The following CPQ variants were observed in gnomAD, a reference collection of about 807,000 sequenced individuals.
CPQ encodes carboxypeptidase Q.
CPQ carries 37 observed loss-of-function variants against 45.7 expected under a neutral mutation model. That is an observed-to-expected ratio of 0.81 (90% CI 0.62 to 1.07). The LOEUF (loss-of-function observed/expected upper bound fraction) is 1.07. Among genes scored for constraint, CPQ ranks in the 50% least tolerant of loss-of-function variants. The pLI is 0.00. For synonymous variants in CPQ, 186 were observed against 205.8 expected (o/e 0.90, Z 0.82); for missense variants, 537 against 572.9 (o/e 0.94, Z 0.64).
intron 4 of CPQ, among the ~76,000 whole-genome samples, chr8:96,909,240 A>C (rs553755904): frequency 1.3e-5 from 2 of 152,030 alleles, no homozygotes; most frequent in South Asian, 4.2e-4. Flanking sequence ...TATCATATGC[A>C]ACCGCTGGCA....
At chr8:96,840,991 G>A (rs1321473389) in intron 3 of CPQ, among the ~76,000 whole-genome samples, 1 of 152,118 alleles carries the variant, frequency 6.6e-6, no homozygotes, top group African/African-American at 2.4e-5. Flanking sequence ...TCTTGTTGAT[G>A]GGATGTCCCC....
At position 96,944,452 on chromosome 8, in the gene CPQ, G is replaced by A. The variant is rs572864927; in HGVS notation, c.850-21483G>A. Among the ~76,000 whole-genome samples the A allele has an allele frequency of 1.8e-4, 27 of 152,226 alleles. No individual in the cohort carries two copies. In the South Asian group the frequency reaches 5.0e-3, roughly 28 times the overall value. ...TTGAAAATATAATCAATGCTAGTAA[G>A]GAACAGAGTCCTATGCTGTACCATT... is the stretch of plus-strand genomic sequence containing the variant. On this transcript the variant is annotated intron_variant, in intron 4 of 7. Transcript: ENST00000220763.
At chr8:96,892,778 G>A (rs1812395400) in intron 4 of CPQ, among the ~76,000 whole-genome samples, 1 of 152,108 alleles carries the variant, frequency 6.6e-6, no homozygotes, top group Non-Finnish European at 1.5e-5. Context: ...TAGCCACCCA[G>A]GTAGGCAAGG....
At chr8:97,012,572 G>A (rs1307471549) in intron 5 of CPQ, among the ~76,000 whole-genome samples, 1 of 152,122 alleles carries the variant, frequency 6.6e-6, no homozygotes, top group African/African-American at 2.4e-5. Context: ...TTCACAGACT[G>A]AATACACCTC....
chr8:96,936,139 G>A (rs1251901227), intron 4 of CPQ, among the ~76,000 whole-genome samples: 1 of 152,074 alleles, frequency 6.6e-6, no homozygotes, highest in Admixed American at 6.5e-5. Context: ...AGAATGAAGT[G>A]CTTGCATTCC....
At chr8:96,932,364 ATAT>A (rs1277637769) in intron 4 of CPQ, among the ~76,000 whole-genome samples, 25 of 152,260 alleles carry the variant, frequency 1.6e-4, no homozygotes, top group African/African-American at 5.5e-4. Flanking sequence ...TTGATTTTTA[ATAT>A]TATAACTTTA....
At chr8:96,651,599 T>C (rs1323577803) in intron 1 of CPQ, among the ~76,000 whole-genome samples, 1 of 152,102 alleles carries the variant, frequency 6.6e-6, no homozygotes, top group Non-Finnish European at 1.5e-5. Flanking sequence ...ACAAATCAAG[T>C]AGACAAAGTC....
intron 4 of CPQ, 48 bp from the exon 5 acceptor site, chr8:96,965,887 G>A (rs1280132997): frequency 1.7e-6 from 2 of 1,211,626 alleles, no homozygotes; most frequent in South Asian, 1.5e-5. Flanking sequence ...ACTCTTTGAT[G>A]TCATTTTTGC....
At chr8:96,700,448 C>A (rs1005920490) in intron 1 of CPQ, among the ~76,000 whole-genome samples, 8 of 151,986 alleles carry the variant, frequency 5.3e-5, no homozygotes, top group Non-Finnish European at 1.2e-4. Flanking sequence ...GGGTTGAGTG[C>A]GTGGACCAGT....
At chr8:96,903,752 C>A (rs2130898964) in intron 4 of CPQ, among the ~76,000 whole-genome samples, 1 of 152,282 alleles carries the variant, frequency 6.6e-6, no homozygotes, top group East Asian at 1.9e-4. Flanking sequence ...GAAGCCCATA[C>A]TAAAAATGGA....
At chr8:96,693,168 A>C (rs1446497962) in intron 1 of CPQ, among the ~76,000 whole-genome samples, 4 of 152,062 alleles carry the variant, frequency 2.6e-5, no homozygotes, top group East Asian at 1.9e-4. Flanking sequence ...AGAATAAAAA[A>C]GATTGAAGCA....
At chr8:97,080,913 T>TTTCCTTCCTTCCTTCCTTCTTTCC (rs1810937034) in intron 7 of CPQ, among the ~76,000 whole-genome samples, 1 of 151,770 alleles carries the variant, frequency 6.6e-6, no homozygotes, top group South Asian at 2.1e-4. Flanking sequence ...CCCACCCTTC[T>TTTCCTTCCTTCCTTCCTTCTTTCC]TTCCTTCCTT....
chr8:97,012,910 T>C (rs1809514998), intron 5 of CPQ, among the ~76,000 whole-genome samples: 1 of 151,674 alleles, frequency 6.6e-6, no homozygotes, highest in African/African-American at 2.4e-5. Context: ...GTGCTTCCCA[T>C]AATTGAAGAA....
intron 4 of CPQ, among the ~76,000 whole-genome samples, chr8:96,922,173 G>A (rs548650654): frequency 1.7e-4 from 26 of 152,170 alleles, no homozygotes; most frequent in Middle Eastern, 3.4e-3. Context: ...GTTACTGGCC[G>A]TCTAATTAAA....
intron 7 of CPQ, among the ~76,000 whole-genome samples, chr8:97,123,183 ATAAAATAAAATAAAATAAAATAAAAAAT>A (rs1400528390): frequency 1.6e-5 from 2 of 123,452 alleles, no homozygotes; most frequent in African/African-American, 6.2e-5. Context: ...AAAATATAAA[ATAAAATAAAATAAAATAAAATAAAAAAT>A]AAAATAAAAT....
intron 3 of CPQ, among the ~76,000 whole-genome samples, chr8:96,836,000 C>T (rs893331172): frequency 2.0e-5 from 3 of 152,110 alleles, no homozygotes; most frequent in African/African-American, 7.2e-5. Flanking sequence ...GATGTTCAGC[C>T]TAGTTTAATA....
rs1213881214 is a variant in CPQ, at chr8:96,724,786, GC to G, written c.-34-60076del. Reference sequence around the variant, plus strand: ...AAAATTCATATGGAACCAGAAAGGAGCCTGAATAAACAAAGCAATCTTAAGT... The same window carrying G: ...AAAATTCATATGGAACCAGAAAGGAGCTGAATAAACAAAGCAATCTTAAGT... On this transcript the variant is annotated intron_variant, in intron 1 of 7. Coordinates refer to ENST00000220763, the MANE Select transcript of CPQ (RefSeq NM_016134.4). Among the ~76,000 whole-genome samples, 7 of 152,212 alleles carry G rather than the reference GC, an allele frequency of 4.6e-5. No homozygotes were observed. In the South Asian group the frequency reaches 1.2e-3, roughly 27 times the overall value.
intron 4 of CPQ, among the ~76,000 whole-genome samples, chr8:96,903,281 A>C (rs1180079241): frequency 1.3e-5 from 2 of 152,238 alleles, no homozygotes; most frequent in East Asian, 3.8e-4. Context: ...GTCTGGACTA[A>C]AAAGTGGAAA....
chr8:96,915,124 A>T (rs1812715201), intron 4 of CPQ, among the ~76,000 whole-genome samples: 1 of 152,186 alleles, frequency 6.6e-6, no homozygotes, highest in East Asian at 1.9e-4. Flanking sequence ...AGAACTGTTG[A>T]GCACTCCTTG....
Sources: allele counts gnomAD v4.1 joint callset (sites outside exome capture counted in the v4.1 genomes callset), GRCh38; gene constraint gnomAD v4.1.1; transcripts MANE v1.5; gene names NCBI Gene and HGNC (gene_info 2026-07-23, HGNC 2026-07-21).